The following FOXP2 variants were observed in gnomAD, a reference collection of about 807,000 sequenced individuals.
FOXP2 encodes forkhead box protein P2.
In FOXP2, 12 loss-of-function variants were observed where a neutral mutation model predicts 115.8. That is an observed-to-expected ratio of 0.10 (90% confidence interval 0.07 to 0.17). The LOEUF (loss-of-function observed/expected upper bound fraction) is 0.17. FOXP2 is among the 10% of genes least tolerant of loss of function. The probability of loss-of-function intolerance (pLI) is 1.00; values close to 1 mark genes in which losing one functional copy is unlikely to be tolerated. For missense variants in FOXP2, 629 were observed against 843.5 expected (o/e 0.75, Z 3.15); for synonymous variants, 328 against 297.7 (o/e 1.10, Z -1.05).
chr7:114,525,837 C>T (rs1418163728), intron 2 of FOXP2, among the ~76,000 whole-genome samples: 7 of 152,038 alleles, frequency 4.6e-5, no homozygotes, highest in Admixed American at 6.6e-5. Flanking sequence ...TTTGGCCAGG[C>T]GTGGTGGCCC....
chr7:114,485,089 C>G (rs1044458727), intron 2 of FOXP2, among the ~76,000 whole-genome samples: 1 of 151,806 alleles, frequency 6.6e-6, no homozygotes, highest in African/African-American at 2.4e-5. Context: ...ATTTTGTTAA[C>G]ATTATAAAAT....
At chr7:114,478,432 T>C (rs767563907) in intron 2 of FOXP2, among the ~76,000 whole-genome samples, 3 of 151,884 alleles carry the variant, frequency 2.0e-5, no homozygotes, top group Non-Finnish European at 4.4e-5. Context: ...TTATTTATTA[T>C]GGTTACAAAG....
At chr7:114,472,366 C>A (rs1584777609) in intron 2 of FOXP2, among the ~76,000 whole-genome samples, 1 of 142,248 alleles carries the variant, frequency 7.0e-6, no homozygotes, top group Non-Finnish European at 1.5e-5. Flanking sequence ...TTTTTTGAGA[C>A]AGAGTCTGCC....
intron 3 of FOXP2, among the ~76,000 whole-genome samples, chr7:114,536,553 T>TGCAGAAGTAAAATTTTGA (rs1799409983): frequency 6.6e-6 from 1 of 151,384 alleles, no homozygotes; most frequent in Admixed American, 6.6e-5. Context: ...TGTTTATCAA[T>TGCAGAAGTAAAATTTTGA]GCAGAAGTAA....
intron 1 of FOXP2, among the ~76,000 whole-genome samples, chr7:114,253,291 G>A (rs1297145571): frequency 6.6e-6 from 1 of 152,136 alleles, no homozygotes; most frequent in East Asian, 1.9e-4. Flanking sequence ...GGAGAGTTCT[G>A]TAGATGTCTA....
intron 1 of FOXP2, among the ~76,000 whole-genome samples, chr7:114,418,607 A>C (rs1793458843): frequency 6.6e-6 from 1 of 151,884 alleles, no homozygotes; most frequent in Non-Finnish European, 1.5e-5. Flanking sequence ...AGGCTAATTA[A>C]AGCAGAAAAG....
chr7:114,230,296 T>TA (rs1461996702), intron 1 of FOXP2, among the ~76,000 whole-genome samples: 1 of 151,862 alleles, frequency 6.6e-6, no homozygotes, highest in African/African-American at 2.4e-5. Flanking sequence ...CAAATATATA[T>TA]TTTTTAAGAT....
intron 3 of FOXP2, among the ~76,000 whole-genome samples, chr7:114,539,569 G>T (rs917988205): frequency 2.6e-5 from 4 of 151,832 alleles, no homozygotes; most frequent in African/African-American, 9.7e-5. Context: ...TAAAAAAAAA[G>T]AATTTAATTC....
At position 114,674,199 on chromosome 7, in the gene FOXP2, G is replaced by A. The variant is rs1172075020; in HGVS notation, c.2003+9763G>A. On this transcript the variant is annotated intron_variant, in intron 16 of 16. Transcript: ENST00000350908. ...CTGTAGTTTTTAGAAAATAGACTAA[G>A]GGAGGATAACATTTTTATCCTGGCT... Among the ~76,000 whole-genome samples the A allele has an allele frequency of 2.0e-5, 3 of 152,114 alleles. No homozygotes were observed. The East Asian group carries it at 5.8e-4, about 29-fold the overall frequency.
chr7:114,526,449 CT>C (rs1798871012), intron 2 of FOXP2, among the ~76,000 whole-genome samples: 1 of 148,008 alleles, frequency 6.8e-6, no homozygotes, highest in Non-Finnish European at 1.5e-5. Flanking sequence ...GCACTCCAGT[CT>C]GGGCGACAGG....
upstream of FOXP2, among the ~76,000 whole-genome samples, chr7:114,159,677 G>C (rs1379570977): frequency 9.4e-5 from 8 of 85,516 alleles, no homozygotes; most frequent in Non-Finnish European, 1.6e-4. Context: ...GCTAATCCAG[G>C]ACTAACGATC....
At chr7:114,329,676 ATTTATTTATTTATTTT>A (rs1304804405) in intron 2 of FOXP2, among the ~76,000 whole-genome samples, 7 of 131,040 alleles carry the variant, frequency 5.3e-5, no homozygotes, top group African/African-American at 1.6e-4. Flanking sequence ...TTATTTATTT[ATTTATTTATTTATTTT>A]ATGAGATGCA....
chr7:114,498,067 AC>A (rs1797402448), intron 2 of FOXP2, among the ~76,000 whole-genome samples: 1 of 152,152 alleles, frequency 6.6e-6, no homozygotes, highest in Admixed American at 6.6e-5. Context: ...AATGTTTTTG[AC>A]TTATAAAATG....
Position 114,206,887 on chromosome 7 carries a change from C to T in FOXP2, c.-102+43799C>T, listed in dbSNP as rs2129160882. Among the ~76,000 whole-genome samples the T allele has an allele frequency of 2.0e-5, 3 of 152,248 alleles. No homozygotes were observed. The South Asian group carries it at 6.2e-4, about 32-fold the overall frequency. On this transcript the variant is annotated intron_variant, in intron 1 of 17. Transcript: ENST00000634411. ...ATTTTACTATATTCAGAGATTTATG[C>T]AACTGTCAGCATTATCAAATCGTAG...
chr7:114,350,815 T>G (rs1791467801), intron 2 of FOXP2, among the ~76,000 whole-genome samples: 1 of 152,138 alleles, frequency 6.6e-6, no homozygotes, highest in Admixed American at 6.6e-5. Flanking sequence ...ACAATTGACC[T>G]TCAGTATCCA....
At chr7:114,612,814 G>A (rs1420248048) in intron 3 of FOXP2, among the ~76,000 whole-genome samples, 2 of 152,184 alleles carry the variant, frequency 1.3e-5, no homozygotes, top group African/African-American at 4.8e-5. Flanking sequence ...TTTCCATAGT[G>A]TTCTTGAAGC....
intron 3 of FOXP2, among the ~76,000 whole-genome samples, chr7:114,624,172 T>A (rs911471883): frequency 7.2e-5 from 11 of 151,924 alleles, no homozygotes; most frequent in Admixed American, 2.0e-4. Context: ...ACAGAAGAAA[T>A]GTATCAAGAA....
intron 1 of FOXP2, among the ~76,000 whole-genome samples, chr7:114,181,662 G>A (rs1793460132): frequency 6.6e-6 from 1 of 152,016 alleles, no homozygotes; most frequent in South Asian, 2.1e-4. Context: ...ACTTTCACAT[G>A]TCCAATTTTA....
intron 1 of FOXP2, among the ~76,000 whole-genome samples, chr7:114,277,660 G>A (rs1013397969): frequency 1.3e-5 from 2 of 152,012 alleles, no homozygotes; most frequent in Non-Finnish European, 2.9e-5. Flanking sequence ...CACTAATGAT[G>A]CTGTTGTAAG....
Sources: gnomAD v4.1 joint callset for allele counts (sites outside exome capture counted in the v4.1 genomes callset) on GRCh38, gnomAD v4.1.1 for gene constraint, MANE v1.5 for transcripts, NCBI Gene and HGNC (gene_info 2026-07-23, HGNC 2026-07-21) for gene names.